The following IGSF11 variants were observed in gnomAD, a reference collection of about 807,000 sequenced individuals.
The protein encoded by IGSF11 is CXADR like 1.
Under a neutral mutation model 41.0 loss-of-function variants are expected in IGSF11, and 22 were observed. That is an observed-to-expected ratio of 0.54 (90% CI 0.38 to 0.77). The LOEUF (loss-of-function observed/expected upper bound fraction) is 0.77. Ranked by LOEUF, IGSF11 falls within the 30% of genes least tolerant of loss-of-function variation. IGSF11 has a pLI of 0.00. For synonymous variants in IGSF11, 219 were observed against 201.3 expected (o/e 1.09, Z -0.74); for missense variants, 444 against 530.8 (o/e 0.84, Z 1.61).
intron 1 of IGSF11, among the ~76,000 whole-genome samples, chr3:119,127,280 A>C (rs1375410833): frequency 6.6e-6 from 1 of 151,994 alleles, no homozygotes; most frequent in East Asian, 1.9e-4. Context: ...AAAGGATATC[A>C]GTGTGAAGAC....
chr3:119,091,456 G>A (rs757702168), intron 1 of IGSF11, among the ~76,000 whole-genome samples: 17 of 152,130 alleles, frequency 1.1e-4, no homozygotes, highest in Non-Finnish European at 2.1e-4. Context: ...AATCAACCCA[G>A]GTGCCCATCT....
At chr3:119,014,063 G>A (rs756795500) in intron 1 of IGSF11, among the ~76,000 whole-genome samples, 4 of 152,236 alleles carry the variant, frequency 2.6e-5, no homozygotes, top group Non-Finnish European at 4.4e-5. Context: ...CTTCATCTAA[G>A]TCAGCAGATG....
chr3:119,107,171 C>G (rs1438747723), upstream of IGSF11, among the ~76,000 whole-genome samples: 1 of 152,188 alleles, frequency 6.6e-6, no homozygotes, highest in Non-Finnish European at 1.5e-5. Flanking sequence ...ACACTGACTT[C>G]CACAATGGTT....
chr3:119,086,753 T>C (rs774398689), intron 1 of IGSF11, among the ~76,000 whole-genome samples: 3 of 152,192 alleles, frequency 2.0e-5, no homozygotes, highest in Non-Finnish European at 4.4e-5. Flanking sequence ...CAAGAAGTCC[T>C]TAAGGGAGTG....
chr3:119,058,566 C>A lies in IGSF11; in HGVS notation c.49+46578G>T, dbSNP rs372788050. ...TCAACCATTGTGGAAGTCAGTGTGGCGATTCCTCAGGGATCTACAACTGGA... is the reference window on the plus strand; with the variant it reads ...TCAACCATTGTGGAAGTCAGTGTGGAGATTCCTCAGGGATCTACAACTGGA... On this transcript the variant is annotated intron_variant, in intron 1 of 6. Transcript: ENST00000354673. Among the ~76,000 whole-genome samples the A allele has an allele frequency of 2.5e-4, 38 of 152,150 alleles. 1 individual carries two copies. In the East Asian group the frequency reaches 3.7e-3, roughly 15 times the overall value.
chr3:119,116,776 T>C (rs1044136432), intron 1 of IGSF11, among the ~76,000 whole-genome samples: 1 of 152,188 alleles, frequency 6.6e-6, no homozygotes, highest in African/African-American at 2.4e-5. Flanking sequence ...TTATGGTAGA[T>C]TGGCCTTTTG....
chr3:119,131,648 C>T (rs1268971899), intron 1 of IGSF11, among the ~76,000 whole-genome samples: 1 of 152,162 alleles, frequency 6.6e-6, no homozygotes, highest in Non-Finnish European at 1.5e-5. Flanking sequence ...TCTAGGAGAA[C>T]TTCCCCAACC....
intron 1 of IGSF11, among the ~76,000 whole-genome samples, chr3:119,137,957 G>A (rs112641751): frequency 6.7e-6 from 1 of 148,466 alleles, no homozygotes; most frequent in South Asian, 2.1e-4. Context: ...ATATGAAAAA[G>A]TGCACAACAT....
intron 1 of IGSF11, among the ~76,000 whole-genome samples, chr3:119,060,308 G>A (rs1054048789): frequency 3.3e-5 from 5 of 152,084 alleles, no homozygotes; most frequent in African/African-American, 1.2e-4. Context: ...TACCTAATGA[G>A]AGCCATCAGA....
chr3:118,936,061 G>T (rs867472081), intron 1 of IGSF11, among the ~76,000 whole-genome samples: 1 of 152,090 alleles, frequency 6.6e-6, no homozygotes, highest in Non-Finnish European at 1.5e-5. Context: ...CTTAGAGTAA[G>T]AAGGAGGGAA....
chr3:118,966,860 C>T (rs531343833), intron 1 of IGSF11, among the ~76,000 whole-genome samples: 2 of 152,260 alleles, frequency 1.3e-5, no homozygotes, highest in Non-Finnish European at 2.9e-5. Context: ...CTCTCTTTGT[C>T]TAGTTTCCAT....
At chr3:119,059,481 C>T (rs942396156) in intron 1 of IGSF11, among the ~76,000 whole-genome samples, 3 of 152,130 alleles carry the variant, frequency 2.0e-5, no homozygotes, top group African/African-American at 7.2e-5. Flanking sequence ...ATGATGGATG[C>T]ACCAAAATGT....
At chr3:118,918,857 T>A (rs1941450617) in intron 4 of IGSF11, among the ~76,000 whole-genome samples, 5 of 130,644 alleles carry the variant, frequency 3.8e-5, no homozygotes, top group Non-Finnish European at 7.8e-5. Flanking sequence ...GACTTCAAAC[T>A]ATACTACAAG....
intron 1 of IGSF11, among the ~76,000 whole-genome samples, chr3:119,130,460 G>A (rs981294572): frequency 2.6e-5 from 4 of 152,168 alleles, no homozygotes; most frequent in Admixed American, 6.5e-5. Flanking sequence ...CACTGCTAGC[G>A]CAGCAGTCTG....
chr3:119,053,534 A>T (rs1941708497), intron 1 of IGSF11, among the ~76,000 whole-genome samples: 1 of 152,206 alleles, frequency 6.6e-6, no homozygotes, highest in African/African-American at 2.4e-5. Flanking sequence ...AACAAATGGA[A>T]ACATATCCCA....
chr3:119,026,327 A>G (rs1349283319), intron 1 of IGSF11, among the ~76,000 whole-genome samples: 1 of 152,100 alleles, frequency 6.6e-6, no homozygotes, highest in Non-Finnish European at 1.5e-5. Context: ...AGCAATTTCA[A>G]AAAAAAGAGA....
intron 1 of IGSF11, among the ~76,000 whole-genome samples, chr3:119,048,857 A>C (rs553782104): frequency 8.9e-4 from 135 of 152,212 alleles, no homozygotes; most frequent in African/African-American, 2.9e-3. Context: ...GCAAATCAGT[A>C]AATGTAATCC....
At chr3:119,101,583 A>T (rs1297153724) in intron 1 of IGSF11, among the ~76,000 whole-genome samples, 1 of 152,206 alleles carries the variant, frequency 6.6e-6, no homozygotes, top group Non-Finnish European at 1.5e-5. Flanking sequence ...GTATACAATA[A>T]AATGTATCCT....
chr3:119,013,606 T>C (rs1018558200), intron 1 of IGSF11, among the ~76,000 whole-genome samples: 3 of 152,236 alleles, frequency 2.0e-5, no homozygotes, highest in African/African-American at 7.2e-5. Context: ...GACTAATAAA[T>C]GTGGGCCAGG....
Sources: gnomAD v4.1 joint callset for allele counts (sites outside exome capture counted in the v4.1 genomes callset) on GRCh38, gnomAD v4.1.1 for gene constraint, MANE v1.5 for transcripts, NCBI Gene and HGNC (gene_info 2026-07-23, HGNC 2026-07-21) for gene names.